The following DCDC2C variants were observed in gnomAD, a reference collection of about 807,000 sequenced individuals.
DCDC2C encodes the protein doublecortin domain containing 2C.
A neutral mutation model predicts 45.0 loss-of-function variants in DCDC2C; 44 were observed. The observed-to-expected ratio is 0.98, with a 90% confidence interval of 0.77 to 1.26. The LOEUF (loss-of-function observed/expected upper bound fraction) is 1.26. Ranked by LOEUF, DCDC2C falls within the 50% of genes most tolerant of loss-of-function variation. The pLI, the probability that DCDC2C is intolerant of heterozygous loss-of-function variation, is 0.00. For missense variants in DCDC2C, 447 were observed against 468.9 expected (o/e 0.95, Z 0.43); for synonymous variants, 187 against 178.8 (o/e 1.05, Z -0.37).
At chr2:3,704,172 G>A in intron 1 of DCDC2C, 134 bp downstream of exon 1, 1 of 892,030 alleles carries the variant, frequency 1.1e-6, no homozygotes, top group Non-Finnish European at 1.5e-6. Context: ...TTTCGGCGTG[G>A]ATCCAGCGCA....
rs1670103585 is a variant in DCDC2C at position 3,769,425 on chromosome 2, G to A, written c.954+14G>A. On this transcript the variant is annotated intron_variant, in intron 8 of 10. Coordinates refer to ENST00000399143, the MANE Select transcript of DCDC2C (RefSeq NM_001287444.2). Reference sequence around the variant, plus strand: ...CCTGTGGACCAGGTGGGTGTCCGGGGTCCGATGTCCATGCCGTCTTCACTC... The same window carrying A: ...CCTGTGGACCAGGTGGGTGTCCGGGATCCGATGTCCATGCCGTCTTCACTC... The A allele has an allele frequency of 4.5e-6, 7 of 1,548,598 alleles. No individual in the cohort carries two copies. The Admixed American group carries it at 5.9e-5, about 13-fold the overall frequency.
intron 10 of DCDC2C, among the ~76,000 whole-genome samples, chr2:3,797,135 A>G (rs1464515812): frequency 6.6e-6 from 1 of 152,142 alleles, no homozygotes; most frequent in Admixed American, 6.5e-5. Context: ...CATTTCTTCT[A>G]GATTTTCTAG....
At chr2:3,804,185 G>A (rs980189304) in intron 10 of DCDC2C, among the ~76,000 whole-genome samples, 12 of 152,168 alleles carry the variant, frequency 7.9e-5, no homozygotes, top group African/African-American at 2.9e-4. Flanking sequence ...CATAGAGTAG[G>A]TACTCAAAAG....
At chr2:3,832,245 C>T (rs1031156075) in intron 10 of DCDC2C, among the ~76,000 whole-genome samples, 3 of 152,192 alleles carry the variant, frequency 2.0e-5, no homozygotes, top group Non-Finnish European at 4.4e-5. Flanking sequence ...GGAAAAATCA[C>T]CTATAGCACA....
At chr2:3,833,912 A>G (rs554995216) in intron 10 of DCDC2C, among the ~76,000 whole-genome samples, 109 of 152,318 alleles carry the variant, frequency 7.2e-4, no homozygotes, top group Middle Eastern at 3.4e-3. Flanking sequence ...AGTCTTCTCT[A>G]TCTTTTCAGG....
intron 10 of DCDC2C, among the ~76,000 whole-genome samples, chr2:3,797,378 G>A (rs1670990372): frequency 6.6e-6 from 1 of 151,570 alleles, no homozygotes; most frequent in Admixed American, 6.6e-5. Context: ...CTTCAGTTCT[G>A]CTCTGATTTT....
At chr2:3,811,749 G>A (rs1411350348) in intron 10 of DCDC2C, among the ~76,000 whole-genome samples, 1 of 152,136 alleles carries the variant, frequency 6.6e-6, no homozygotes, top group Non-Finnish European at 1.5e-5. Context: ...TTTGAGATAT[G>A]CTCCATCAAT....
At chr2:3,725,973 G>A (rs912349648) in intron 2 of DCDC2C, 1 of 159,146 alleles carries the variant, frequency 6.3e-6, no homozygotes, top group Non-Finnish European at 1.4e-5. Flanking sequence ...TCCGTGGGAG[G>A]TGACAGAGCG....
At chr2:3,819,097 C>T (rs914320501) in intron 10 of DCDC2C, among the ~76,000 whole-genome samples, 6 of 152,174 alleles carry the variant, frequency 3.9e-5, no homozygotes, top group African/African-American at 7.2e-5. Flanking sequence ...TTACCCTCCA[C>T]TCTAAGAGTT....
Position 3,767,761 on chromosome 2 carries a change from C to T in DCDC2C, c.734C>T (p.Ser245Phe). Residue 245 changes from serine to phenylalanine, a missense_variant, in exon 7 of 11, where the codon TCC becomes TTC. Coordinates refer to ENST00000399143, the MANE Select transcript of DCDC2C (RefSeq NM_001287444.2). The part of the protein sequence containing the change: ...KNSQRKKKVD[S>F]KGKEPCKYDG... ...TCTTCATTTGTCCTGTAGGTGGACT[C>T]CAAAGGAAAAGAACCTTGTAAATAT... is the stretch of plus-strand genomic sequence containing the variant. The T allele has an allele frequency of 6.4e-7, 1 of 1,550,470 alleles. No individual in the cohort carries two copies. Among genetic ancestry groups the T allele is most frequent in the Non-Finnish European group, 8.7e-7 (1 of 1,146,898 alleles).
chr2:3,838,980 CA>C, intron 10 of DCDC2C, among the ~76,000 whole-genome samples: 1 of 152,150 alleles, frequency 6.6e-6, no homozygotes, highest in East Asian at 1.9e-4. Context: ...CTATGATGAG[CA>C]TGTTTGAATA....
chr2:3,799,150 C>A (rs1004784858), intron 10 of DCDC2C, among the ~76,000 whole-genome samples: 9 of 152,068 alleles, frequency 5.9e-5, no homozygotes, highest in Non-Finnish European at 1.2e-4. Context: ...CCCTTTCTTC[C>A]AGTTGATCGC....
In DCDC2C at chr2:3,818,682, T is replaced by G. The variant is rs2148221408; in HGVS notation, c.1066-28472T>G. Among the ~76,000 whole-genome samples the G allele has an allele frequency of 6.6e-6, 1 of 151,934 alleles. No individual in the cohort carries two copies. The highest frequency in any genetic ancestry group is 6.6e-5 in the Admixed American group (1 of 15,250). On this transcript the variant is annotated intron_variant, in intron 10 of 10. Transcript: ENST00000399143. This position sits in a 1 kb window ranked among gnomAD's most constrained non-coding sequence, Gnocchi z 4.7. ...GTTCAGTGGGGTAAGGGTGATTAGG[T>G]TTTAAAGGGATGGTAAGGGGTGCAT... is the stretch of plus-strand genomic sequence containing the variant.
At chr2:3,774,319 G>A (rs60999711) in intron 8 of DCDC2C, among the ~76,000 whole-genome samples, 21,587 of 152,298 alleles carry the variant, frequency 0.14, 2,489 homozygotes, top group African/African-American at 0.31. Context: ...AACTTCAAGA[G>A]AAGTGGTTTA....
At chr2:3,811,271 A>C (rs1671384336) in intron 10 of DCDC2C, among the ~76,000 whole-genome samples, 1 of 152,146 alleles carries the variant, frequency 6.6e-6, no homozygotes, top group African/African-American at 2.4e-5. Context: ...AGTGGTTTGT[A>C]GTTCTCCTTG....
intron 1 of DCDC2C, among the ~76,000 whole-genome samples, chr2:3,707,565 C>T (rs1449818560): frequency 6.6e-6 from 1 of 152,180 alleles, no homozygotes; most frequent in African/African-American, 2.4e-5. Context: ...TGGGAGAACT[C>T]ATGTAATAAT....
intron 10 of DCDC2C, among the ~76,000 whole-genome samples, chr2:3,843,329 C>T (rs895414764): frequency 6.6e-5 from 10 of 152,182 alleles, no homozygotes; most frequent in Non-Finnish European, 1.0e-4. Flanking sequence ...TTTGGGTCTA[C>T]GCGTTACTTC....
chr2:3,741,984 T>C lies in DCDC2C; in HGVS notation c.481T>C (p.Ser161Pro). The C allele has an allele frequency of 6.5e-7, 1 of 1,549,114 alleles. No individual in the cohort carries two copies. Among genetic ancestry groups the C allele is most frequent in the Non-Finnish European group, 8.7e-7 (1 of 1,146,446 alleles). ...AATCATTATACCCAAATTTAGTCTG[T>C]CCGATTGGGACATCGTGCTGGCCAC... ...AKIIIPKFSL[S>P]DWDIVLATIG... The change falls in exon 4 of 11, where the codon TCC becomes CCC. Residue 161 changes from serine to proline, a missense_variant. Coordinates refer to ENST00000399143, the MANE Select transcript of DCDC2C (RefSeq NM_001287444.2).
At chr2:3,801,644 G>T (rs1434106777) in intron 10 of DCDC2C, among the ~76,000 whole-genome samples, 1 of 152,254 alleles carries the variant, frequency 6.6e-6, no homozygotes, top group East Asian at 1.9e-4. Context: ...GTCTTGGCCT[G>T]GGTGGCCCCT....
Sources: allele counts gnomAD v4.1 joint callset (sites outside exome capture counted in the v4.1 genomes callset), GRCh38; gene constraint gnomAD v4.1.1; non-coding constraint Gnocchi (gnomAD v3.1); transcripts MANE v1.5; gene names NCBI Gene and HGNC (gene_info 2026-07-23, HGNC 2026-07-21).